CELA3B: variants seen among roughly 807,000 people sequenced by gnomAD.
The protein encoded by CELA3B is chymotrypsin-like elastase family member 3B.
Under a neutral mutation model 37.2 loss-of-function variants are expected in CELA3B, and 34 were observed. That is an observed-to-expected ratio of 0.91 (90% CI 0.70 to 1.22). The LOEUF (loss-of-function observed/expected upper bound fraction) is 1.22, where lower values mean the gene tolerates loss of function less well. CELA3B is among the 50% of genes most tolerant of loss of function. The probability of loss-of-function intolerance (pLI) is 0.00; values close to 1 mark genes in which losing one functional copy is unlikely to be tolerated. For synonymous variants in CELA3B, 127 were observed against 143.5 expected (o/e 0.89, Z 0.82); for missense variants, 340 against 363.1 (o/e 0.94, Z 0.52).
intron 4 of CELA3B, among the ~76,000 whole-genome samples, chr1:21,994,836 C>CA (rs1464305931): frequency 6.7e-6 from 1 of 150,012 alleles, no homozygotes; most frequent in Non-Finnish European, 1.5e-5. Context: ...CTTCTCTCTA[C>CA]AAAAAATATT....
downstream of CELA3B, among the ~76,000 whole-genome samples, chr1:21,991,374 C>T (rs1460503948): frequency 2.0e-5 from 3 of 147,666 alleles, no homozygotes; most frequent in Admixed American, 6.7e-5. Context: ...CTCGCTCTGT[C>T]GCCCAGGCTG....
intron 4 of CELA3B, among the ~76,000 whole-genome samples, chr1:21,994,361 C>T (rs771125648): frequency 4.6e-5 from 7 of 151,016 alleles, no homozygotes; most frequent in Non-Finnish European, 8.8e-5. Context: ...GTGACCTCTG[C>T]TCCTGGGCTC....
chr1:21,988,468 G>C (rs899219139), intron 7 of CELA3B, among the ~76,000 whole-genome samples: 1 of 151,554 alleles, frequency 6.6e-6, no homozygotes, highest in African/African-American at 2.4e-5. Context: ...CTGCATGGCT[G>C]TAATCTCAGC....
At chr1:21,986,411 G>C in intron 6 of CELA3B, 120 bp from the exon 7 acceptor site, 3 of 1,252,414 alleles carry the variant, frequency 2.4e-6, no homozygotes, top group Non-Finnish European at 3.3e-6. Context: ...AAAAAAATGA[G>C]CGAGCTAAGG....
At chr1:21,997,042 G>A (rs1006531737) in intron 4 of CELA3B, among the ~76,000 whole-genome samples, 1 of 151,346 alleles carries the variant, frequency 6.6e-6, no homozygotes, top group Non-Finnish European at 1.5e-5. Flanking sequence ...CTCCAGAGAA[G>A]AGGAGTAAGT....
intron 4 of CELA3B, among the ~76,000 whole-genome samples, chr1:21,996,647 TC>T (rs1157493521): frequency 6.6e-6 from 1 of 151,236 alleles, no homozygotes; most frequent in East Asian, 2.0e-4. Context: ...TTGCACAAGA[TC>T]CAAGAACCCT....
chr1:21,989,758 G>T (rs1204861063), downstream of CELA3B, among the ~76,000 whole-genome samples: 11 of 151,000 alleles, frequency 7.3e-5, no homozygotes. Context: ...CCACTGATGG[G>T]CTGGGGGCTT....
intron 7 of CELA3B, chr1:21,986,906 T>C: frequency 1.7e-6 from 1 of 587,042 alleles, no homozygotes; most frequent in Non-Finnish European, 3.1e-6. Context: ...CAGCTGAACT[T>C]CCTTATTTCA....
At chr1:21,978,950 G>A (rs1203054349) in intron 2 of CELA3B, among the ~76,000 whole-genome samples, 1 of 151,774 alleles carries the variant, frequency 6.6e-6, no homozygotes, top group Non-Finnish European at 1.5e-5. Flanking sequence ...AGGAGGCTGA[G>A]GCAGGAGAAT....
At chr1:21,989,385 T>A, downstream of CELA3B, 1 of 890,474 alleles carries the variant, frequency 1.1e-6, no homozygotes, top group Middle Eastern at 3.3e-4. Flanking sequence ...TTGACTCACC[T>A]CTTCCCCTCT....
intron 6 of CELA3B, 22 bp downstream of exon 6, chr1:21,984,353 C>T (rs376843560): frequency 1.8e-5 from 29 of 1,608,166 alleles, no homozygotes; most frequent in South Asian, 8.9e-5. Context: ...CTTACCTGCC[C>T]GAGGTGGTGC....
At chr1:21,978,280 C>A in intron 1 of CELA3B, 89 bp from the exon 2 acceptor site, 1 of 1,440,524 alleles carries the variant, frequency 6.9e-7, no homozygotes, top group East Asian at 2.3e-5. Context: ...CACACAGCCA[C>A]TTGAAGGCAC....
chr1:21,984,265 C>T lies in CELA3B; in HGVS notation c.576C>T (p.Asn192=). Residue 192 remains asparagine, a synonymous_variant, in exon 6 of 8, where the codon AAC becomes AAT. Transcript: ENST00000337107. ...ACTATGAACACTGCTCCAGGTGGAA[C>T]TGGTGGGGTTCCTCCGTGAAGAAGA... ...VVDYEHCSRW[N]WWGSSVKKTM... is the part of the protein sequence containing the mutation. 1 of 1,614,204 alleles carries T rather than the reference C, an allele frequency of 6.2e-7. No homozygotes were observed. The highest frequency in any genetic ancestry group is 8.5e-7 in the Non-Finnish European group (1 of 1,180,034).
intron 6 of CELA3B, among the ~76,000 whole-genome samples, chr1:21,985,690 G>A (rs1206518576): frequency 1.3e-5 from 2 of 151,784 alleles, no homozygotes; most frequent in East Asian, 3.9e-4. Context: ...AGGAGATCGA[G>A]ACCATCCTGG....
exon 5 of CELA3B, chr1:21,998,318 G>A: frequency 2.5e-5 from 11 of 434,526 alleles, no homozygotes; most frequent in South Asian, 1.8e-4. Flanking sequence ...GTTCTTCACT[G>A]AGTGCCCACT....
chr1:21,989,844 C>T (rs1644862883), downstream of CELA3B, among the ~76,000 whole-genome samples: 2 of 150,724 alleles, frequency 1.3e-5, no homozygotes, highest in African/African-American at 4.9e-5. Context: ...GACATGGTTC[C>T]TGCCCTGAAG....
chr1:21,995,423 A>C lies in CELA3B; in HGVS notation c.505-2728A>C, dbSNP rs886884601. On this transcript the variant is annotated intron_variant, in intron 4 of 4. Coordinates refer to the CELA3B transcript ENST00000400277. ...AAAGTGCTAGGATTACAGGCATGAG[A>C]CACTGCACCCTGCTTGTTAAGAGGA... Among the ~76,000 whole-genome samples, 3 of 150,980 alleles carry C rather than the reference A, an allele frequency of 2.0e-5. No individual in the cohort carries two copies. The South Asian group carries it at 6.3e-4, about 31-fold the overall frequency.
chr1:21,996,164 G>C (rs1644889340), intron 4 of CELA3B, among the ~76,000 whole-genome samples: 1 of 151,236 alleles, frequency 6.6e-6, no homozygotes, highest in African/African-American at 2.5e-5. Flanking sequence ...AGTGAGCCGA[G>C]ATCGCGCCAC....
chr1:21,988,316 G>A (rs1644851129), intron 7 of CELA3B, among the ~76,000 whole-genome samples: 1 of 151,658 alleles, frequency 6.6e-6, no homozygotes, highest in Admixed American at 6.6e-5. Flanking sequence ...ATAAGGCCAG[G>A]CACGGTGGCT....
Sources: gnomAD v4.1 joint callset for allele counts (sites outside exome capture counted in the v4.1 genomes callset) on GRCh38, gnomAD v4.1.1 for gene constraint, MANE v1.5 for transcripts, NCBI Gene and HGNC (gene_info 2026-07-23, HGNC 2026-07-21) for gene names.